The following TAF1C variants were observed in gnomAD, a reference collection of about 807,000 sequenced individuals.
TAF1C encodes the protein TATA-box binding protein associated factor, RNA polymerase I subunit C.
TAF1C carries 79 observed loss-of-function variants against 70.5 expected under a neutral mutation model. The observed-to-expected ratio is 1.12, with a 90% CI of 0.93 to 1.35. TAF1C has a LOEUF of 1.35. TAF1C is among the 40% of genes most tolerant of loss of function. The probability of loss-of-function intolerance (pLI) is 0.00; values close to 1 mark genes in which losing one functional copy is unlikely to be tolerated. For missense variants in TAF1C, 1,412 were observed against 1,127.8 expected (o/e 1.25, Z -3.61); for synonymous variants, 614 against 491.1 (o/e 1.25, Z -3.31).
Position 84,184,975 on chromosome 16 carries a change from C to T in TAF1C, c.14G>A (p.Ser5Asn). MDFP[S>N]SLRPALFLTG... is the part of the protein sequence containing the mutation. ...CAGAAACAATGCAGGGCGGAGGGAG[C>T]TGGGGAAGTCCATCCTGGAAACAAG... Residue 5 changes from serine (S) to asparagine (N), a missense_variant, in exon 2 of 15, where the codon AGC becomes AAC. Ser to Asn is a conservative substitution (Grantham distance 46, BLOSUM62 1). Coordinates refer to ENST00000566732, the MANE Select transcript of TAF1C (RefSeq NM_001243156.2). 1.9e-6 allele frequency: 3 copies of T among 1,613,286 alleles called. No individual in the cohort carries two copies. The South Asian group carries it at 3.3e-5, about 18-fold the overall frequency.
Position 84,185,888 on chromosome 16 carries a change from G to A in TAF1C, c.-72-828C>T, listed in dbSNP as rs74325852. Among the ~76,000 whole-genome samples, 5 of 151,716 alleles carry A rather than the reference G, an allele frequency of 3.3e-5. No individual in the cohort carries two copies. The South Asian group carries it at 1.0e-3, about 31-fold the overall frequency. ...GCACTGTAGCCTGGGCAACAAGAGC[G>A]AAACTCCATCTCAAGAAAAAAAAAA... On this transcript the variant is annotated intron_variant, in intron 1 of 14. Coordinates refer to ENST00000566732, the MANE Select transcript of TAF1C (RefSeq NM_001243156.2).
rs1436368923 is a variant in TAF1C, at chr16:84,178,348, C to A, written c.*593G>T. 6 of 456,918 alleles carry A rather than the reference C, an allele frequency of 1.3e-5. No homozygotes were observed. Among genetic ancestry groups the A allele is most frequent in the Admixed American group, 9.4e-5 (4 of 42,576 alleles). 28.3% of individuals were successfully genotyped at this position (456,918 alleles called of 1,614,324 possible). ...GTCAGGTAGTAGCTGTGGCGGGACG[C>A]TGTCCAGCCTAAAAAACGTGACCAT... On this transcript the variant is annotated 3_prime_UTR_variant, in exon 15 of 15. Coordinates refer to ENST00000566732, the MANE Select transcript of TAF1C (RefSeq NM_001243156.2).
chr16:84,185,798 G>A (rs1316463980), intron 1 of TAF1C, among the ~76,000 whole-genome samples: 2 of 152,192 alleles, frequency 1.3e-5, no homozygotes, highest in Non-Finnish European at 2.9e-5. Flanking sequence ...TACTCGGGAG[G>A]CTGAGGCAGG....
chr16:84,183,536 G>A (rs771268391), intron 3 of TAF1C, 29 bp from the exon 4 acceptor site: 8 of 1,587,400 alleles, frequency 5.0e-6, no homozygotes, highest in East Asian at 4.5e-5. Context: ...AAAGGGCTGG[G>A]GAGGGCACAG....
rs774963791 is a variant in TAF1C, at chr16:84,179,491, GCCATGGCCTTGCGGAGCACA to G, written c.1962_1981del (p.Val655ProfsTer32). 5 of 1,601,278 alleles carry G rather than the reference GCCATGGCCTTGCGGAGCACA, an allele frequency of 3.1e-6. No individual in the cohort carries two copies. The highest frequency in any genetic ancestry group is 4.3e-6 in the Non-Finnish European group (5 of 1,176,396). ...TCTCTGCAGCAGGAGCTGCCCTCGGGCCATGGCCTTGCGGAGCACACCCAGCCGCTGCCCTTCCTCTTCCT... is the reference window on the plus strand; with the variant it reads ...TCTCTGCAGCAGGAGCTGCCCTCGGGCCCAGCCGCTGCCCTTCCTCTTCCT... On this transcript the variant is annotated frameshift_variant, in exon 15 of 15. Transcript: ENST00000566732. LOFTEE classifies it low-confidence loss of function (END_TRUNC).
rs1475842490 is a variant in TAF1C at position 84,178,719 on chromosome 16, CG to C, written c.*221del. Reference sequence around the variant, plus strand: ...CCACCGGCACCTCCAGCCTGCCTTGCGGGATGATCTTCAGGCGAATATACAA... The same window carrying C: ...CCACCGGCACCTCCAGCCTGCCTTGCGGATGATCTTCAGGCGAATATACAA... On this transcript the variant is annotated 3_prime_UTR_variant, in exon 15 of 15. Transcript: ENST00000566732. 1.7e-6 allele frequency: 1 copy of C among 591,634 alleles called. No homozygotes were observed. Among genetic ancestry groups the C allele is most frequent in the African/African-American group, 1.9e-5 (1 of 53,652 alleles). 36.6% of individuals were successfully genotyped at this position (591,634 alleles called of 1,614,324 possible). A position where few individuals can be genotyped will look rare whatever the true frequency, so the allele number is the denominator to read the frequency against.
In TAF1C at chr16:84,177,970, A is replaced by G. The variant is rs750922544; in HGVS notation, c.*971T>C. 2.5e-5 allele frequency: 20 copies of G among 807,304 alleles called. No homozygotes were observed. The highest frequency in any genetic ancestry group is 4.0e-5 in the Non-Finnish European group (19 of 478,588). 50.0% of individuals were successfully genotyped at this position (807,304 alleles called of 1,614,324 possible). Reference sequence around the variant, plus strand: ...CTCCTGTTTGTGTGAGTCACATGCAATTCCTTTCACCAGCCAACCTGAAAA... The same window carrying G: ...CTCCTGTTTGTGTGAGTCACATGCAGTTCCTTTCACCAGCCAACCTGAAAA... On this transcript the variant is annotated 3_prime_UTR_variant, in exon 15 of 15. Transcript: ENST00000566732.
Position 84,182,212 on chromosome 16 carries a change from C to T in TAF1C, c.711G>A (p.Gln237=). The part of the protein sequence containing the change: ...GQLVYPAGGA[Q]DRLHFQEVVL... ...CGCAAGAAAGGATACGCAGCCTGTC[C>T]TGGGCGCCTCCAGCAGGGTAGACCA... is the stretch of plus-strand genomic sequence containing the variant. Residue 237 remains glutamine, a synonymous_variant, in exon 7 of 15, where the codon CAG becomes CAA. Coordinates refer to ENST00000566732, the MANE Select transcript of TAF1C (RefSeq NM_001243156.2). This position sits in a 1 kb window ranked among gnomAD's most constrained non-coding sequence, Gnocchi z 5.0. 2 of 1,610,742 alleles carry T rather than the reference C, an allele frequency of 1.2e-6. No homozygotes were observed. The highest frequency in any genetic ancestry group is 4.5e-5 in the East Asian group (2 of 44,818).
At chr16:84,180,890 C>G in intron 12 of TAF1C, 153 bp downstream of exon 12, 1 of 1,431,550 alleles carries the variant, frequency 7.0e-7, no homozygotes. Context: ...ACTGTGGGAT[C>G]CACTGCGTGT....
In TAF1C at chr16:84,182,999, ACGTGCGTC is replaced by A. The variant is rs911310346; in HGVS notation, c.482+69_482+76del. On this transcript the variant is annotated intron_variant, in intron 6 of 14. Transcript: ENST00000566732. This position sits in a 1 kb window ranked among gnomAD's most constrained non-coding sequence, Gnocchi z 5.0. ...GGAAGTGGGTATGACGGAAAGCTGT[ACGTGCGTC>A]CTAGCACCTCCTACATCCCCACCAC... 7.6e-6 allele frequency: 11 copies of A among 1,450,458 alleles called. No homozygotes were observed. The African/African-American group carries it at 1.5e-4, about 20-fold the overall frequency. 89.8% of individuals were successfully genotyped at this position (1,450,458 alleles called of 1,614,324 possible).
At position 84,186,974 on chromosome 16, in the gene TAF1C, G is replaced by C. The variant is rs1567604427; in HGVS notation, c.-146C>G. On this transcript the variant is annotated 5_prime_UTR_variant, in exon 1 of 15. Transcript: ENST00000566732. ...TGCTCGCCGGACCCTGGCACCACGA[G>C]GGAAATCTCAAGTAGAACCCCAGCT... The C allele has an allele frequency of 6.6e-6, 1 of 152,240 alleles. No individual in the cohort carries two copies. The highest frequency in any genetic ancestry group is 1.5e-5 in the Non-Finnish European group (1 of 68,050). The allele number at this position is 152,240 out of a possible 1,614,324, so 9.4% of individuals were successfully genotyped here.
intron 3 of TAF1C, 44 bp from the exon 4 acceptor site, chr16:84,183,551 G>A (rs765323664): frequency 8.6e-5 from 135 of 1,572,880 alleles, no homozygotes; most frequent in Non-Finnish European, 1.0e-4. Flanking sequence ...GCACAGGAGT[G>A]CGGCCAGATG....
At position 84,183,155 on chromosome 16, in the gene TAF1C, T is replaced by C. The variant is rs1368748997; in HGVS notation, c.409-6A>G. 6.8e-6 allele frequency: 11 copies of C among 1,613,938 alleles called. No homozygotes were observed. The highest frequency in any genetic ancestry group is 8.5e-6 in the Non-Finnish European group (10 of 1,180,030). ...GTCTTCTTCTTAGTGCGGCTCTGCA[T>C]GGAAAGGCCTTGTCAGGCTCACACA... On this transcript the variant is annotated splice_region_variant and splice_polypyrimidine_tract_variant and intron_variant, in intron 5 of 14. Transcript: ENST00000566732.
chr16:84,181,389 G>C lies in TAF1C; in HGVS notation c.1103C>G (p.Thr368Ser). 3 of 1,613,864 alleles carry C rather than the reference G, an allele frequency of 1.9e-6. No individual in the cohort carries two copies. The South Asian group carries it at 3.3e-5, about 18-fold the overall frequency. ...DSSSWRWADF[T>S]AHPRVLTVGD... is the part of the protein sequence containing the mutation. The stretch of plus-strand genomic sequence containing the variant: ...CACGGTCAGCACCCGAGGGTGCGCA[G>C]TGAAGTCTGCCCAACGCCACGAAGA... Residue 368 changes from threonine to serine, a missense_variant, in exon 11 of 15, where the codon ACT becomes AGT. By Grantham distance (58) the Thr-to-Ser change is moderately conservative. Coordinates refer to ENST00000566732, the MANE Select transcript of TAF1C (RefSeq NM_001243156.2).
chr16:84,183,922 T>G (rs1273416550), intron 2 of TAF1C, 144 bp from the exon 3 acceptor site: 1 of 614,474 alleles, frequency 1.6e-6, no homozygotes. Flanking sequence ...GTCATTTTAC[T>G]GCTGAAGAAA....
Position 84,182,246 on chromosome 16 carries a change from A to G in TAF1C, c.677T>C (p.Phe226Ser). ...TCCAGCAGGGTAGACCAGCTGCCCG[A>G]ACTGGGGTGTCCTTCCAGGAACCCA... The part of the protein sequence containing the change: ...LAWVPGRTPQ[F>S]GQLVYPAGGA... Residue 226 changes from phenylalanine (F) to serine (S), a missense_variant, in exon 7 of 15, where the codon TTC becomes TCC. By Grantham distance (155) the Phe-to-Ser change is radical. Coordinates refer to ENST00000566732, the MANE Select transcript of TAF1C (RefSeq NM_001243156.2). The surrounding 1 kb of genome is among the most constrained non-coding windows in gnomAD (Gnocchi z 5.0). 2 of 1,612,992 alleles carry G rather than the reference A, an allele frequency of 1.2e-6. No individual in the cohort carries two copies. Among genetic ancestry groups the G allele is most frequent in the South Asian group, 2.2e-5 (2 of 91,068 alleles).
At position 84,178,368 on chromosome 16, in the gene TAF1C, G is replaced by C. The variant is rs907233419; in HGVS notation, c.*573C>G. The C allele has an allele frequency of 2.2e-6, 1 of 456,980 alleles. No individual in the cohort carries two copies. Among genetic ancestry groups the C allele is most frequent in the South Asian group, 1.5e-5 (1 of 64,566 alleles). The allele number at this position is 456,980 out of a possible 1,614,324, so 28.3% of individuals were successfully genotyped here. A position where few individuals can be genotyped will look rare whatever the true frequency, so the allele number is the denominator to read the frequency against. On this transcript the variant is annotated 3_prime_UTR_variant, in exon 15 of 15. Transcript: ENST00000566732. ...GGACGCTGTCCAGCCTAAAAAACGT[G>C]ACCATTCCAATTCATCTTCAGCTGC...
At position 84,183,412 on chromosome 16, in the gene TAF1C, G is replaced by C. The variant is rs762329229; in HGVS notation, c.316C>G (p.Gln106Glu). The C allele has an allele frequency of 6.2e-7, 1 of 1,612,974 alleles. No homozygotes were observed. Among genetic ancestry groups the C allele is most frequent in the Admixed American group, 1.7e-5 (1 of 59,854 alleles). ...RPRVVLDVTE[Q>E]ISRFLLDHGD... ...CTGTCCCCCGTGGGCCCACTCACCTGCTCAGTCACATCCAGCACGACTCGG... is the reference window on the plus strand; with the variant it reads ...CTGTCCCCCGTGGGCCCACTCACCTCCTCAGTCACATCCAGCACGACTCGG... The change falls in exon 4 of 15, where the codon CAG (glutamine) becomes GAG (glutamate). Residue 106 changes from glutamine (Q) to glutamate (E), a missense_variant and splice_region_variant. Coordinates refer to ENST00000566732, the MANE Select transcript of TAF1C (RefSeq NM_001243156.2).
Position 84,183,727 on chromosome 16 carries a change from C to A in TAF1C, c.190G>T (p.Gly64Trp), listed in dbSNP as rs1170519990. ...AGGGGAGGCAGCATGGGGAGAGGCC[C>A]AGGGGTTGCCGGCTCCCACAGCAGG... is the stretch of plus-strand genomic sequence containing the variant. ...KDLLWEPATP[G>W]PLPMLPPLID... Residue 64 changes from glycine (G) to tryptophan (W), a missense_variant, in exon 3 of 15, where the codon GGG becomes TGG. Transcript: ENST00000566732. The A allele has an allele frequency of 6.2e-7, 1 of 1,613,070 alleles. No individual in the cohort carries two copies. The highest frequency in any genetic ancestry group is 8.5e-7 in the Non-Finnish European group (1 of 1,179,416).
Sources: gnomAD v4.1 joint callset for allele counts (sites outside exome capture counted in the v4.1 genomes callset) on GRCh38, gnomAD v4.1.1 for gene constraint, Gnocchi (gnomAD v3.1) non-coding constraint, MANE v1.5 for transcripts, NCBI Gene and HGNC (gene_info 2026-07-23, HGNC 2026-07-21) for gene names.